Variants in CERKL observed in about 807,000 individuals in gnomAD.
CERKL encodes ceramide kinase-like protein.
A neutral mutation model predicts 63.4 loss-of-function variants in CERKL; 61 were observed. That is an observed-to-expected ratio of 0.96 (90% CI 0.78 to 1.19). The LOEUF (loss-of-function observed/expected upper bound fraction) is 1.19. Among genes scored for constraint, CERKL ranks in the 50% most tolerant of loss-of-function variants. The pLI, the probability that CERKL is intolerant of heterozygous loss-of-function variation, is 0.00. For missense variants in CERKL, 675 were observed against 655.5 expected, an observed-to-expected ratio of 1.03 and a Z score of -0.33; for synonymous variants, 250 against 230.5, an observed-to-expected ratio of 1.08 and a Z score of -0.77.
chr2:181,580,305 G>A (rs913182633), intron 2 of CERKL, among the ~76,000 whole-genome samples: 1 of 150,774 alleles, frequency 6.6e-6, no homozygotes, highest in African/African-American at 2.5e-5. Flanking sequence ...CTGTCAACGT[G>A]TTTTTCCCCT....
chr2:181,586,666 A>T (rs6729420), intron 2 of CERKL, among the ~76,000 whole-genome samples: 3,389 of 152,318 alleles, frequency 0.022, 113 homozygotes, highest in African/African-American at 0.078. Context: ...AATGTAAAAC[A>T]GAATGGCCAA....
intron 2 of CERKL, among the ~76,000 whole-genome samples, chr2:181,591,423 T>G (rs1033303750): frequency 1.3e-5 from 2 of 152,046 alleles, no homozygotes; most frequent in Admixed American, 6.6e-5. Flanking sequence ...CAAAGCCAAC[T>G]GTATTTCAAG....
chr2:181,574,174 G>A (rs1313774559), intron 2 of CERKL, among the ~76,000 whole-genome samples: 1 of 152,178 alleles, frequency 6.6e-6, no homozygotes, highest in Non-Finnish European at 1.5e-5. Flanking sequence ...ATTAGGCAGT[G>A]CTATGTGTAT....
chr2:181,548,624 G>A lies in CERKL; in HGVS notation c.1074-20C>T, dbSNP rs1559071900. The A allele has an allele frequency of 1.2e-6, 2 of 1,612,270 alleles. No individual in the cohort carries two copies. The highest frequency in any genetic ancestry group is 8.5e-7 in the Non-Finnish European group (1 of 1,178,562). ...TCTGCCCTAAAATGTAATGAAATTT[G>A]TTATTAACAGTCATTGAACCTGGGA... On this transcript the variant is annotated intron_variant, in intron 7 of 12. Transcript: ENST00000410087.
intron 1 of CERKL, among the ~76,000 whole-genome samples, chr2:181,604,440 T>C (rs930147061): frequency 6.6e-5 from 10 of 152,074 alleles, no homozygotes; most frequent in Non-Finnish European, 2.9e-5. Context: ...AGTCCCTACG[T>C]GAGATGGAAA....
At chr2:181,555,082 C>T (rs1293852664) in intron 5 of CERKL, among the ~76,000 whole-genome samples, 1 of 152,142 alleles carries the variant, frequency 6.6e-6, no homozygotes, top group African/African-American at 2.4e-5. Flanking sequence ...AGTGATAAAA[C>T]TAAATGCTAT....
intron 5 of CERKL, among the ~76,000 whole-genome samples, chr2:181,551,693 C>G (rs1269968572): frequency 6.6e-6 from 1 of 152,124 alleles, no homozygotes; most frequent in Non-Finnish European, 1.5e-5. Flanking sequence ...TACTTTTACA[C>G]TGTTGGTGTA....
chr2:181,573,745 T>C lies in CERKL; in HGVS notation c.613+8A>G. 3 of 1,610,852 alleles carry C rather than the reference T, an allele frequency of 1.9e-6. No homozygotes were observed. Among genetic ancestry groups the C allele is most frequent in the African/African-American group, 1.3e-5 (1 of 74,948 alleles). Reference sequence around the variant, plus strand: ...AGATGGTGAAATTATATTCTGAAAATTACTTACTTGTTACATCAGTTTTTA... The same window carrying C: ...AGATGGTGAAATTATATTCTGAAAACTACTTACTTGTTACATCAGTTTTTA... On this transcript the variant is annotated splice_region_variant and intron_variant, in intron 3 of 12. Transcript: ENST00000410087.
intron 1 of CERKL, among the ~76,000 whole-genome samples, chr2:181,637,484 G>A (rs1687229931): frequency 6.6e-6 from 1 of 152,092 alleles, no homozygotes; most frequent in Admixed American, 6.6e-5. Context: ...TGCTAAGTAA[G>A]AAAGAAATCA....
chr2:181,558,455 G>A lies in CERKL; in HGVS notation c.820+111C>T. 8.2e-7 allele frequency: 1 copy of A among 1,216,932 alleles called. No homozygotes were observed. The highest frequency in any genetic ancestry group is 1.2e-6 in the Non-Finnish European group (1 of 832,734). 75.4% of individuals were successfully genotyped at this position (1,216,932 alleles called of 1,614,324 possible). On this transcript the variant is annotated intron_variant, in intron 5 of 12. Coordinates refer to ENST00000410087, the MANE Select transcript of CERKL (RefSeq NM_201548.5). This position sits in a 1 kb window ranked among gnomAD's most constrained non-coding sequence, Gnocchi z 4.2. The stretch of plus-strand genomic sequence containing the variant: ...TTGCTAGTGGGGATGCCAGAAGTCT[G>A]GATCTTTCAAAGTCTGTTCATTAAT...
chr2:181,604,852 T>C (rs991789030), intron 1 of CERKL, among the ~76,000 whole-genome samples: 1 of 139,502 alleles, frequency 7.2e-6, no homozygotes, highest in Non-Finnish European at 1.5e-5. Context: ...AATTTAACCA[T>C]AATCAGACTT....
At chr2:181,540,421 C>T (rs544006239) in intron 11 of CERKL, among the ~76,000 whole-genome samples, 103 of 152,266 alleles carry the variant, frequency 6.8e-4, no homozygotes, top group Non-Finnish European at 1.1e-3. Context: ...CAAGTCCTAA[C>T]CCCTGGTACC....
rs1484079441 is a variant in CERKL, at chr2:181,537,894, C to CTGAG, written c.*286_*289dup. ...AGGAGGTTAGAGCAATGGAGCATTA[C>CTGAG]TGAGTTCCTCCCCCTGTCAGATCAG... On this transcript the variant is annotated 3_prime_UTR_variant, in exon 13 of 13. Transcript: ENST00000410087. 3 of 555,344 alleles carry CTGAG rather than the reference C, an allele frequency of 5.4e-6. No homozygotes were observed. The highest frequency in any genetic ancestry group is 4.4e-5 in the Admixed American group (2 of 45,612). 34.4% of individuals were successfully genotyped at this position (555,344 alleles called of 1,614,324 possible). A position where few individuals can be genotyped will look rare whatever the true frequency, so the allele number is the denominator to read the frequency against.
intron 4 of CERKL, among the ~76,000 whole-genome samples, chr2:181,560,287 C>T (rs1274192840): frequency 6.6e-6 from 1 of 152,118 alleles, no homozygotes; most frequent in East Asian, 1.9e-4. Context: ...TCTAATTTAG[C>T]ACCAAATAAC....
chr2:181,620,651 C>T (rs72885362), intron 1 of CERKL, among the ~76,000 whole-genome samples: 17,270 of 152,026 alleles, frequency 0.11, 1,320 homozygotes, highest in East Asian at 0.22. Context: ...GTCCTAGGAC[C>T]AGGAAAGAGG....
At chr2:181,650,572 A>G (rs1250728495) in intron 1 of CERKL, among the ~76,000 whole-genome samples, 1 of 152,142 alleles carries the variant, frequency 6.6e-6, no homozygotes, top group Non-Finnish European at 1.5e-5. Context: ...CAGCCTGACC[A>G]ACATGGAGAA....
At position 181,550,907 on chromosome 2, in the gene CERKL, A is replaced by G. The variant is rs1687955483; in HGVS notation, c.821-1199T>C. Among the ~76,000 whole-genome samples, 1 of 152,168 alleles carries G rather than the reference A, an allele frequency of 6.6e-6. No individual in the cohort carries two copies. Among genetic ancestry groups the G allele is most frequent in the Admixed American group, 6.6e-5 (1 of 15,264 alleles). On this transcript the variant is annotated intron_variant, in intron 5 of 12. Transcript: ENST00000410087. This position sits in a 1 kb window ranked among gnomAD's most constrained non-coding sequence, Gnocchi z 4.5. ...TTAACTAAATGGCAAACTGGTTCCA[A>G]CTGATTCACCAAAAGGCAAGTTATG...
intron 1 of CERKL, among the ~76,000 whole-genome samples, chr2:181,621,325 T>C (rs1452474730): frequency 2.0e-5 from 3 of 152,196 alleles, no homozygotes; most frequent in Admixed American, 6.5e-5. Context: ...TAAACACACA[T>C]ATAATTCACA....
chr2:181,586,802 G>C (rs989626643), intron 2 of CERKL, among the ~76,000 whole-genome samples: 1 of 152,168 alleles, frequency 6.6e-6, no homozygotes, highest in Non-Finnish European at 1.5e-5. Flanking sequence ...TCATGAGAGC[G>C]GCAGGGACGC....
Sources: gnomAD v4.1 joint callset for allele counts (sites outside exome capture counted in the v4.1 genomes callset) on GRCh38, gnomAD v4.1.1 for gene constraint, Gnocchi (gnomAD v3.1) non-coding constraint, MANE v1.5 for transcripts, NCBI Gene and HGNC (gene_info 2026-07-23, HGNC 2026-07-21) for gene names.